Variants in TMEM178B observed in about 807,000 individuals in gnomAD.
TMEM178B encodes the protein transmembrane protein 178B.
In TMEM178B, 5 loss-of-function variants were observed where a neutral mutation model predicts 31.0. That is an observed-to-expected ratio of 0.16 (90% CI 0.08 to 0.34). TMEM178B has a LOEUF of 0.34. Among genes scored for constraint, TMEM178B ranks in the 10% least tolerant of loss-of-function variants. The probability of loss-of-function intolerance (pLI) is 1.00; values close to 1 mark genes in which losing one functional copy is unlikely to be tolerated. For synonymous variants in TMEM178B, 164 were observed against 164.0 expected (o/e 1.00, Z 0.00); for missense variants, 275 against 400.3 (o/e 0.69, Z 2.67).
At chr7:141,382,235 T>C (rs1800330616) in intron 2 of TMEM178B, among the ~76,000 whole-genome samples, 2 of 152,238 alleles carry the variant, frequency 1.3e-5, no homozygotes, top group Admixed American at 6.5e-5. Context: ...CTTAGGTCAA[T>C]ATCCAGACTC....
chr7:141,465,938 G>A (rs376657344), intron 3 of TMEM178B, among the ~76,000 whole-genome samples: 6 of 152,168 alleles, frequency 3.9e-5, no homozygotes, highest in East Asian at 3.9e-4. Context: ...TGGGAAGATC[G>A]CTTGAGCCCT....
chr7:141,241,120 G>T (rs1456316228), intron 2 of TMEM178B, among the ~76,000 whole-genome samples: 1 of 147,066 alleles, frequency 6.8e-6, no homozygotes, highest in Admixed American at 7.0e-5. Flanking sequence ...CACCCGAGTA[G>T]TGTACATTGT....
chr7:141,316,554 G>C (rs1007180957), intron 2 of TMEM178B, among the ~76,000 whole-genome samples: 4 of 150,384 alleles, frequency 2.7e-5, no homozygotes, highest in Non-Finnish European at 4.5e-5. Context: ...CTGGACTGCT[G>C]TGTGTGTGTG....
intron 2 of TMEM178B, among the ~76,000 whole-genome samples, chr7:141,395,434 C>G (rs1053116553): frequency 2.6e-5 from 4 of 152,140 alleles, no homozygotes; most frequent in South Asian, 2.1e-4. Context: ...TAGGGAGACC[C>G]TGTCTCAAAA....
intron 1 of TMEM178B, among the ~76,000 whole-genome samples, chr7:141,207,340 G>C (rs562083010): frequency 6.6e-6 from 1 of 152,174 alleles, no homozygotes; most frequent in African/African-American, 2.4e-5. Context: ...TGGATCATTC[G>C]TAATTTTTTG....
At chr7:141,464,613 A>T (rs1802118790) in intron 3 of TMEM178B, among the ~76,000 whole-genome samples, 2 of 152,186 alleles carry the variant, frequency 1.3e-5, no homozygotes, top group Non-Finnish European at 1.5e-5. Context: ...GGCAGGGATC[A>T]TGTCTTATTC....
chr7:141,249,929 A>C (rs1436684800), intron 2 of TMEM178B, among the ~76,000 whole-genome samples: 1 of 152,254 alleles, frequency 6.6e-6, no homozygotes, highest in African/African-American at 2.4e-5. Context: ...TGATTAATTC[A>C]ACATGGATAT....
At chr7:141,410,793 C>G (rs1041516158) in intron 2 of TMEM178B, among the ~76,000 whole-genome samples, 2 of 152,230 alleles carry the variant, frequency 1.3e-5, no homozygotes, top group South Asian at 4.2e-4. Flanking sequence ...TTGCTGTTGC[C>G]ATGACGATCG....
At chr7:141,465,309 G>A (rs1201877433) in intron 3 of TMEM178B, among the ~76,000 whole-genome samples, 2 of 151,990 alleles carry the variant, frequency 1.3e-5, no homozygotes, top group African/African-American at 4.8e-5. Flanking sequence ...GCTGTAATTA[G>A]ACATCTTTTA....
At chr7:141,403,754 C>G (rs1800829711) in intron 2 of TMEM178B, among the ~76,000 whole-genome samples, 1 of 152,180 alleles carries the variant, frequency 6.6e-6, no homozygotes, top group Non-Finnish European at 1.5e-5. Context: ...AAATTCCTGT[C>G]CCTGGCAAGT....
intron 2 of TMEM178B, among the ~76,000 whole-genome samples, chr7:141,313,739 T>A (rs1325789343): frequency 6.7e-6 from 1 of 149,224 alleles, no homozygotes; most frequent in African/African-American, 2.4e-5. Context: ...AGAATGGAGA[T>A]GTGGCTTCCC....
chr7:141,346,674 C>T (rs1253641798), intron 2 of TMEM178B, among the ~76,000 whole-genome samples: 3 of 152,004 alleles, frequency 2.0e-5, no homozygotes, highest in Non-Finnish European at 4.4e-5. Flanking sequence ...TTTTGGAGTC[C>T]TCATGATTCT....
chr7:141,282,997 A>G (rs1241896552), intron 2 of TMEM178B, among the ~76,000 whole-genome samples: 2 of 152,194 alleles, frequency 1.3e-5, no homozygotes, highest in Non-Finnish European at 2.9e-5. Context: ...GTACAAAAGT[A>G]ATTGTACCAA....
At chr7:141,174,216 G>C (rs1352875053) in intron 1 of TMEM178B, among the ~76,000 whole-genome samples, 3 of 151,986 alleles carry the variant, frequency 2.0e-5, no homozygotes, top group Non-Finnish European at 4.4e-5. Context: ...TGTGGTGTTT[G>C]GTTTACTGTT....
chr7:141,100,684 AT>A, intron 1 of TMEM178B, among the ~76,000 whole-genome samples: 1 of 152,352 alleles, frequency 6.6e-6, no homozygotes, highest in South Asian at 2.1e-4. Context: ...TTCTGTAGAT[AT>A]AAACAAGGGC....
At chr7:141,391,272 T>A (rs1800533829) in intron 2 of TMEM178B, among the ~76,000 whole-genome samples, 1 of 152,096 alleles carries the variant, frequency 6.6e-6, no homozygotes, top group Non-Finnish European at 1.5e-5. Flanking sequence ...CTCAAGTGAT[T>A]CTCCTGCCTC....
chr7:141,312,053 G>A (rs1460957430), intron 2 of TMEM178B, among the ~76,000 whole-genome samples: 1 of 152,234 alleles, frequency 6.6e-6, no homozygotes, highest in African/African-American at 2.4e-5. Flanking sequence ...GTGGGGCCCT[G>A]TGGCCTCTAC....
intron 1 of TMEM178B, among the ~76,000 whole-genome samples, chr7:141,111,120 G>A (rs144960105): frequency 1.2e-4 from 19 of 152,304 alleles, no homozygotes; most frequent in African/African-American, 4.1e-4. Context: ...AAGAAAAAGA[G>A]GTTTAATGGA....
intron 3 of TMEM178B, among the ~76,000 whole-genome samples, chr7:141,449,073 T>C (rs1801813594): frequency 6.6e-6 from 1 of 152,180 alleles, no homozygotes; most frequent in Admixed American, 6.5e-5. Flanking sequence ...AGTGCTGGAT[T>C]GCTATGGAAA....
Sources: gnomAD v4.1 joint callset for allele counts (sites outside exome capture counted in the v4.1 genomes callset) on GRCh38, gnomAD v4.1.1 for gene constraint, MANE v1.5 for transcripts, NCBI Gene and HGNC (gene_info 2026-07-23, HGNC 2026-07-21) for gene names.